The following ADAMTS7 variants were observed in gnomAD, a reference collection of about 807,000 sequenced individuals.
ADAMTS7 encodes ADAM metallopeptidase with thrombospondin type 1 motif 7.
ADAMTS7 carries 89 observed loss-of-function variants against 172.6 expected under a neutral mutation model. The observed-to-expected ratio is 0.52, with a 90% CI of 0.43 to 0.61. The LOEUF is 0.61. ADAMTS7 is among the 20% of genes least tolerant of loss of function. ADAMTS7 has a pLI of 0.00. For missense variants in ADAMTS7, 1,973 were observed against 2,355.6 expected, an observed-to-expected ratio of 0.84 and a Z score of 3.36; for synonymous variants, 885 against 978.4, an observed-to-expected ratio of 0.90 and a Z score of 1.78.
At chr15:78,794,307 C>G (rs1373150880) in intron 4 of ADAMTS7, among the ~76,000 whole-genome samples, 2 of 152,218 alleles carry the variant, frequency 1.3e-5, no homozygotes, top group East Asian at 3.9e-4. Flanking sequence ...GAACACTGCA[C>G]AAAAGGTAGA....
At chr15:78,775,557 ACC>A (rs1330330496) in intron 11 of ADAMTS7, among the ~76,000 whole-genome samples, 15 of 147,304 alleles carry the variant, frequency 1.0e-4, no homozygotes, top group Admixed American at 6.0e-4. Flanking sequence ...CTGCACCCCC[ACC>A]CCCCCGTTTA....
chr15:78,798,239 C>T, intron 2 of ADAMTS7, 126 bp from the exon 3 acceptor site: 2 of 888,944 alleles, frequency 2.2e-6, no homozygotes, highest in Non-Finnish European at 3.2e-6. Flanking sequence ...TGCCCGCGGA[C>T]ACACTGTACT....
At chr15:78,790,592 C>G in intron 6 of ADAMTS7, 78 bp downstream of exon 6, 2 of 1,577,438 alleles carry the variant, frequency 1.3e-6, no homozygotes, top group East Asian at 4.5e-5. Flanking sequence ...ACGGCCCCCT[C>G]CTCCACCAGG....
chr15:78,794,438 T>A (rs1385763550), intron 4 of ADAMTS7, among the ~76,000 whole-genome samples: 1 of 152,100 alleles, frequency 6.6e-6, no homozygotes, highest in Non-Finnish European at 1.5e-5. Flanking sequence ...TGCAGCCTCC[T>A]AGGGGGTCCA....
chr15:78,800,607 C>T, intron 1 of ADAMTS7, 60 bp from the exon 2 acceptor site: 3 of 1,517,146 alleles, frequency 2.0e-6, no homozygotes, highest in South Asian at 1.2e-5. Flanking sequence ...TTGCTGGTGG[C>T]CGGGGACCAG....
In ADAMTS7 at chr15:78,759,240, T is replaced by C; in HGVS notation, c.*181A>G. 1 of 513,310 alleles carries C rather than the reference T, an allele frequency of 1.9e-6. No homozygotes were observed. The allele number at this position is 513,310 out of a possible 1,614,324, so 31.8% of individuals were successfully genotyped here. On this transcript the variant is annotated 3_prime_UTR_variant, in exon 24 of 24. Transcript: ENST00000388820. The stretch of plus-strand genomic sequence containing the variant: ...GTAGATGCTCATTTATGTAAAATCA[T>C]AATAAATGTTACACAAACTGTTAGA...
intron 2 of ADAMTS7, 151 bp from the exon 3 acceptor site, chr15:78,798,264 C>A (rs28610385): frequency 0.38 from 257,353 of 673,596 alleles, 53,501 homozygotes; most frequent in Middle Eastern, 0.44. Flanking sequence ...TCCCGCTGGG[C>A]CTTTGCTCAC....
intron 22 of ADAMTS7, among the ~76,000 whole-genome samples, chr15:78,763,284 T>G (rs1322643089): frequency 6.6e-6 from 1 of 152,076 alleles, no homozygotes; most frequent in African/African-American, 2.4e-5. Flanking sequence ...TCTGAACCCC[T>G]CAGTTCCAAA....
At chr15:78,767,210 C>T (rs569593240) in intron 18 of ADAMTS7, among the ~76,000 whole-genome samples, 159 bp from the exon 19 acceptor site, 11 of 152,290 alleles carry the variant, frequency 7.2e-5, no homozygotes, top group African/African-American at 2.4e-4. Flanking sequence ...TGACTGTGGC[C>T]ATGCTTGCCA....
Position 78,771,077 on chromosome 15 carries a change from C to T in ADAMTS7, c.2518+85G>A. The T allele has an allele frequency of 1.4e-6, 2 of 1,473,414 alleles. No individual in the cohort carries two copies. Among genetic ancestry groups the T allele is most frequent in the South Asian group, 1.3e-5 (1 of 74,890 alleles). 91.3% of individuals were successfully genotyped at this position (1,473,414 alleles called of 1,614,324 possible). On this transcript the variant is annotated intron_variant, in intron 16 of 23. Coordinates refer to ENST00000388820, the MANE Select transcript of ADAMTS7 (RefSeq NM_014272.5). The surrounding 1 kb of genome is among the most constrained non-coding windows in gnomAD (Gnocchi z 4.9). ...GCAAACTTCCAAACCCGTGGTGGCC[C>T]AGCAGTGAGCTGGGAGCTGAAGCCA...
At chr15:78,784,738 A>G (rs1158925028) in intron 8 of ADAMTS7, among the ~76,000 whole-genome samples, 1 of 152,186 alleles carries the variant, frequency 6.6e-6, no homozygotes. Context: ...GGTCACATTC[A>G]AATCACAATG....
At chr15:78,762,926 G>A (rs567628734) in intron 22 of ADAMTS7, among the ~76,000 whole-genome samples, 46 of 152,320 alleles carry the variant, frequency 3.0e-4, no homozygotes, top group South Asian at 1.7e-3. Context: ...GCGAGACACC[G>A]CTGTGCCCGA....
chr15:78,796,496 T>A, intron 4 of ADAMTS7, 94 bp downstream of exon 4: 1 of 1,433,092 alleles, frequency 7.0e-7, no homozygotes, highest in Non-Finnish European at 9.5e-7. Context: ...GGGTCTGGGG[T>A]CCAGCCTGAC....
chr15:78,789,884 C>T (rs1334567431), intron 6 of ADAMTS7, 46 bp from the exon 7 acceptor site: 2 of 1,543,444 alleles, frequency 1.3e-6, no homozygotes, highest in Non-Finnish European at 1.8e-6. Context: ...GGCCCAGTGC[C>T]AGGCCCACCT....
chr15:78,771,042 G>C lies in ADAMTS7; in HGVS notation c.2518+120C>G, dbSNP rs2055240081. On this transcript the variant is annotated intron_variant, in intron 16 of 23. Transcript: ENST00000388820. This position sits in a 1 kb window ranked among gnomAD's most constrained non-coding sequence, Gnocchi z 4.9. ...CTCATCTCACAGATGGAGAACTGAGGCTCAGAGAAGCAAACTTCCAAACCC... is the reference window on the plus strand; with the variant it reads ...CTCATCTCACAGATGGAGAACTGAGCCTCAGAGAAGCAAACTTCCAAACCC... 1.5e-6 allele frequency: 2 copies of C among 1,333,790 alleles called. No homozygotes were observed. Among genetic ancestry groups the C allele is most frequent in the Admixed American group, 5.1e-5 (2 of 39,104 alleles). The allele number at this position is 1,333,790 out of a possible 1,614,324, so 82.6% of individuals were successfully genotyped here.
chr15:78,768,076 G>T (rs1596176166), intron 17 of ADAMTS7, 57 bp downstream of exon 17: 2 of 1,111,742 alleles, frequency 1.8e-6, no homozygotes, highest in South Asian at 3.0e-5. Context: ...GGGGATGGGG[G>T]TGGGGAGTTG....
At chr15:78,792,268 C>T (rs962098453) in intron 4 of ADAMTS7, among the ~76,000 whole-genome samples, 6 of 152,168 alleles carry the variant, frequency 3.9e-5, no homozygotes, top group African/African-American at 1.2e-4. Context: ...TCCAATACAA[C>T]CAACCAATTT....
rs534940951 is a variant in ADAMTS7, at chr15:78,766,371, G to A, written c.3540C>T (p.Ser1180=). The A allele has an allele frequency of 7.5e-4, 1,209 of 1,610,292 alleles. 12 individuals carry two copies. The South Asian group carries it at 8.5e-3, about 11-fold the overall frequency. ...GLPSLSWPRV[S]TDGLQTPATP... ...TGGCAGGTGTCTGCAGGCCATCAGTGGAAACCCTGGGCCAGGACAGGCTGG... is the reference window on the plus strand; with the variant it reads ...TGGCAGGTGTCTGCAGGCCATCAGTAGAAACCCTGGGCCAGGACAGGCTGG... The change falls in exon 19 of 24, where the codon TCC becomes TCT. Residue 1180 remains serine (S), a synonymous_variant. Coordinates refer to ENST00000388820, the MANE Select transcript of ADAMTS7 (RefSeq NM_014272.5).
At chr15:78,806,093 C>A (rs1163573493) in intron 1 of ADAMTS7, among the ~76,000 whole-genome samples, 5 of 11,384 alleles carry the variant, frequency 4.4e-4, no homozygotes, top group South Asian at 0.011. Flanking sequence ...CCCCCAAAAA[C>A]ACACACACAC....
Sources: gnomAD v4.1 joint callset for allele counts (sites outside exome capture counted in the v4.1 genomes callset) on GRCh38, gnomAD v4.1.1 for gene constraint, Gnocchi (gnomAD v3.1) non-coding constraint, MANE v1.5 for transcripts, NCBI Gene and HGNC (gene_info 2026-07-23, HGNC 2026-07-21) for gene names.